Variants in CUZD1 observed in about 807,000 individuals in gnomAD.
The protein encoded by CUZD1 is CUB and zona pellucida-like domain-containing protein 1.
CUZD1 carries 42 observed loss-of-function variants against 53.1 expected under a neutral mutation model. That is an observed-to-expected ratio of 0.79 (90% confidence interval 0.62 to 1.02). CUZD1 has a LOEUF of 1.02. CUZD1 is among the 50% of genes least tolerant of loss of function. The probability of loss-of-function intolerance (pLI) is 0.00; values close to 1 mark genes in which losing one functional copy is unlikely to be tolerated. For missense variants in CUZD1, 670 were observed against 715.7 expected, an observed-to-expected ratio of 0.94 and a Z score of 0.73; for synonymous variants, 238 against 257.2, an observed-to-expected ratio of 0.93 and a Z score of 0.71.
chr10:122,839,324 A>G (rs887709454), intron 2 of CUZD1, 93 bp from the exon 3 acceptor site: 184 of 1,086,698 alleles, frequency 1.7e-4, no homozygotes, highest in Middle Eastern at 2.3e-4. Flanking sequence ...GTAAATTTAC[A>G]AAGTGGTGGC....
At position 122,834,775 on chromosome 10, in the gene CUZD1, A is replaced by G. The variant is rs772088116; in HGVS notation, c.1313T>C (p.Phe438Ser). The G allele has an allele frequency of 1.2e-5, 19 of 1,613,686 alleles. No individual in the cohort carries two copies. The African/African-American group carries it at 2.0e-4, about 17-fold the overall frequency. ...GGGAGAGGCTCTACAGGTATCAAGA[A>G]ACACCACCAAATTTGGATCTGAGGT... ...LHTSDPNLVV[F>S]LDTCRASPTS... Residue 438 changes from phenylalanine to serine, a missense_variant, in exon 7 of 9, where the codon TTT becomes TCT. Transcript: ENST00000392790.
At chr10:122,834,677 A>G in intron 7 of CUZD1, 29 bp downstream of exon 7, 12 of 1,519,054 alleles carry the variant, frequency 7.9e-6, no homozygotes, top group East Asian at 2.3e-5. Flanking sequence ...AAGGAATATC[A>G]TACATACATC....
chr10:122,845,170 G>A (rs1422688250), intron 1 of CUZD1, among the ~76,000 whole-genome samples: 8 of 151,592 alleles, frequency 5.3e-5, no homozygotes, highest in African/African-American at 9.7e-5. Context: ...TCCACCTCTC[G>A]GGTTCAAGCG....
Position 122,836,932 on chromosome 10 carries a change from G to A in CUZD1, c.716C>T (p.Ser239Leu), listed in dbSNP as rs1265618992. ...CAACACGACAGTCAGAGAGTTTGAT[G>A]ACGATTCGAAGGTGGGAGTCACACG... ...CGRVTPTFES[S>L]SNSLTVVLST... The change falls in exon 5 of 9, where the codon TCA becomes TTA. Residue 239 changes from serine to leucine, a missense_variant. By Grantham distance (145) the Ser-to-Leu change is moderately radical. Coordinates refer to ENST00000392790, the MANE Select transcript of CUZD1 (RefSeq NM_022034.6). 2.5e-6 allele frequency: 4 copies of A among 1,614,106 alleles called. No homozygotes were observed. The African/African-American group carries it at 5.3e-5, about 22-fold the overall frequency.
At chr10:122,838,778 C>G (rs145278102) in intron 3 of CUZD1, among the ~76,000 whole-genome samples, 2 of 152,336 alleles carry the variant, frequency 1.3e-5, no homozygotes, top group East Asian at 3.9e-4. Context: ...AAGTCAAGAT[C>G]ATGTGCTCCA....
chr10:122,845,770 T>G lies in CUZD1; in HGVS notation c.74A>C (p.Glu25Ala). The G allele has an allele frequency of 6.2e-7, 1 of 1,613,696 alleles. No homozygotes were observed. The highest frequency in any genetic ancestry group is 8.5e-7 in the Non-Finnish European group (1 of 1,179,804). ...TGGTTCAATTTTCTTACCTTCAGCC[T>G]CCGCCATTGTCAGCTCCGCCAAACA... ...LSCLAELTMA[E>A]AEGNASCTVS... is the part of the protein sequence containing the mutation. Residue 25 changes from glutamate (E) to alanine (A), a missense_variant, in exon 1 of 9, where the codon GAG (glutamate) becomes GCG (alanine). Glu to Ala is a moderately radical substitution (Grantham distance 107, BLOSUM62 -1). Coordinates refer to ENST00000392790, the MANE Select transcript of CUZD1 (RefSeq NM_022034.6).
In CUZD1 at chr10:122,836,187, T is replaced by G. The variant is rs1329232253; in HGVS notation, c.981A>C (p.Thr327=). 1 of 1,600,764 alleles carries G rather than the reference T, an allele frequency of 6.2e-7. No homozygotes were observed. The highest frequency in any genetic ancestry group is 1.8e-5 in the Admixed American group (1 of 56,240). The change falls in exon 6 of 9, where the codon ACA becomes ACC. Residue 327 remains threonine (T), a synonymous_variant. Transcript: ENST00000392790. Reference sequence around the variant, plus strand: ...CAGTATTTCACTTTACCTTTCTGATTGTACCACATCCATTAAGAGGGACAG... The same window carrying G: ...CAGTATTTCACTTTACCTTTCTGATGGTACCACATCCATTAAGAGGGACAG... ...EFSVPLNGCG[T]IRKVEDQSIT...
intron 1 of CUZD1, among the ~76,000 whole-genome samples, 179 bp downstream of exon 1, chr10:122,845,583 C>T (rs1306462567): frequency 6.6e-6 from 1 of 152,146 alleles, no homozygotes; most frequent in African/African-American, 2.4e-5. Flanking sequence ...TTTTTATGGA[C>T]ATTGTCAGAT....
intron 1 of CUZD1, 115 bp from the exon 2 acceptor site, chr10:122,841,443 G>C: frequency 2.0e-6 from 2 of 1,015,368 alleles, no homozygotes; most frequent in Non-Finnish European, 2.7e-6. Context: ...GCTAATTGTG[G>C]ATGGTACTTA....
At chr10:122,832,733 GT>G (rs1323144459) in intron 8 of CUZD1, among the ~76,000 whole-genome samples, 4 of 151,900 alleles carry the variant, frequency 2.6e-5, no homozygotes, top group African/African-American at 9.7e-5. Context: ...GGAAATGCAG[GT>G]TCACTTACTA....
intron 7 of CUZD1, 80 bp downstream of exon 7, chr10:122,834,626 C>T (rs1847217098): frequency 2.4e-6 from 3 of 1,243,278 alleles, no homozygotes; most frequent in South Asian, 1.9e-5. Context: ...TATATATACA[C>T]AACACAAAAA....
Position 122,834,977 on chromosome 10 carries a change from A to G in CUZD1, c.1111T>C (p.Ser371Pro). ...GTTATGTATATTATCTCCACTGTAG[A>G]ATTATGTCCCATTTCACACTTCACA... ...IIVKCEMGHN[S>P]TVEIIYITED... The change falls in exon 7 of 9, where the codon TCT (serine) becomes CCT (proline). Residue 371 changes from serine (S) to proline (P), a missense_variant. Coordinates refer to ENST00000392790, the MANE Select transcript of CUZD1 (RefSeq NM_022034.6). The G allele has an allele frequency of 6.2e-7, 1 of 1,613,812 alleles. No individual in the cohort carries two copies. The highest frequency in any genetic ancestry group is 8.5e-7 in the Non-Finnish European group (1 of 1,179,800).
intron 7 of CUZD1, among the ~76,000 whole-genome samples, chr10:122,834,339 C>A (rs771116099): frequency 6.6e-6 from 1 of 152,038 alleles, no homozygotes; most frequent in Admixed American, 6.5e-5. Flanking sequence ...TTACTGATGG[C>A]GTTATATTTT....
chr10:122,840,600 C>G (rs1329979674), intron 2 of CUZD1, among the ~76,000 whole-genome samples: 1 of 152,144 alleles, frequency 6.6e-6, no homozygotes, highest in Admixed American at 6.5e-5. Context: ...CTGAGCGTCT[C>G]TGCAGGGCGG....
Position 122,845,768 on chromosome 10 carries a change from C to CCTCCGCCATTGTCAG in CUZD1, c.61_75dup (p.Leu21_Glu25dup). 1 of 1,613,650 alleles carries CCTCCGCCATTGTCAG rather than the reference C, an allele frequency of 6.2e-7. No homozygotes were observed. The highest frequency in any genetic ancestry group is 8.5e-7 in the Non-Finnish European group (1 of 1,179,836). The stretch of plus-strand genomic sequence containing the variant: ...TCTGGTTCAATTTTCTTACCTTCAG[C>CCTCCGCCATTGTCAG]CTCCGCCATTGTCAGCTCCGCCAAA... On this transcript the variant is annotated inframe_insertion, in exon 1 of 9. Coordinates refer to ENST00000392790, the MANE Select transcript of CUZD1 (RefSeq NM_022034.6).
chr10:122,845,732 TG>T, intron 1 of CUZD1, 29 bp downstream of exon 1: 1 of 1,600,700 alleles, frequency 6.2e-7, no homozygotes, highest in East Asian at 2.2e-5. Flanking sequence ...TTCTCTGTTT[TG>T]GTGAATAAAT....
At chr10:122,837,676 T>C (rs1445203085) in intron 3 of CUZD1, 122 bp from the exon 4 acceptor site, 3 of 963,726 alleles carry the variant, frequency 3.1e-6, no homozygotes, top group East Asian at 2.8e-5. Context: ...ATCTTTCCCA[T>C]GGGTCACATA....
Position 122,841,339 on chromosome 10 carries a change from T to A in CUZD1, c.83-11A>T. The A allele has an allele frequency of 6.3e-7, 1 of 1,585,568 alleles. No individual in the cohort carries two copies. On this transcript the variant is annotated splice_polypyrimidine_tract_variant and intron_variant, in intron 1 of 8. Transcript: ENST00000392790. ...TGCAGCTTGCATTGCCTGTTAGAGATCACAGATGGCACTCAGGAAAGTCAA... is the reference window on the plus strand; with the variant it reads ...TGCAGCTTGCATTGCCTGTTAGAGAACACAGATGGCACTCAGGAAAGTCAA...
chr10:122,844,291 C>A (rs1417148898), intron 1 of CUZD1, among the ~76,000 whole-genome samples: 1 of 151,948 alleles, frequency 6.6e-6, no homozygotes, highest in Non-Finnish European at 1.5e-5. Flanking sequence ...CCATGTCAGC[C>A]CCCCAAAGTG....
Sources: gnomAD v4.1 joint callset for allele counts (sites outside exome capture counted in the v4.1 genomes callset) on GRCh38, gnomAD v4.1.1 for gene constraint, MANE v1.5 for transcripts, NCBI Gene and HGNC (gene_info 2026-07-23, HGNC 2026-07-21) for gene names.